Variants in OTUD7A observed in about 807,000 individuals in gnomAD.
OTUD7A encodes OTU domain-containing protein 7A.
A neutral mutation model predicts 65.7 loss-of-function variants in OTUD7A; 12 were observed. The ratio of observed to expected loss-of-function variants is 0.18; its 90% CI spans 0.12 to 0.30. The LOEUF (loss-of-function observed/expected upper bound fraction) is 0.30, where lower values mean the gene tolerates loss of function less well. OTUD7A is among the 10% of genes least tolerant of loss of function. OTUD7A has a pLI of 1.00. For synonymous variants in OTUD7A, 641 were observed against 586.3 expected (o/e 1.09, Z -1.35); for missense variants, 1,148 against 1,304.8 (o/e 0.88, Z 1.85).
At chr15:31,558,884 C>T (rs775357933) in intron 5 of OTUD7A, 85 bp downstream of exon 5, 45 of 1,415,656 alleles carry the variant, frequency 3.2e-5, no homozygotes, top group Non-Finnish European at 4.3e-5. Context: ...GAACATGTGC[C>T]CTTCTCTTGC....
At chr15:31,536,475 G>C (rs1887806805) in intron 5 of OTUD7A, among the ~76,000 whole-genome samples, 1 of 152,150 alleles carries the variant, frequency 6.6e-6, no homozygotes. Context: ...AATCAAATGA[G>C]AATGTTTATA....
intron 3 of OTUD7A, among the ~76,000 whole-genome samples, chr15:31,624,633 T>C (rs905032098): frequency 1.4e-4 from 22 of 152,162 alleles, no homozygotes; most frequent in Non-Finnish European, 2.4e-4. Flanking sequence ...CCCTATTATG[T>C]TCCATTTCAG....
At chr15:31,629,649 AAT>A (rs1434919630) in intron 3 of OTUD7A, among the ~76,000 whole-genome samples, 1 of 152,084 alleles carries the variant, frequency 6.6e-6, no homozygotes, top group Non-Finnish European at 1.5e-5. Context: ...TATTGATTGG[AAT>A]AGTTTCAGAA....
At chr15:31,587,156 C>T (rs968136088) in intron 3 of OTUD7A, among the ~76,000 whole-genome samples, 1 of 152,088 alleles carries the variant, frequency 6.6e-6, no homozygotes, top group African/African-American at 2.4e-5. Flanking sequence ...ATCAGCAAGT[C>T]CTTGCAGCTT....
intron 1 of OTUD7A, among the ~76,000 whole-genome samples, chr15:31,827,390 G>T (rs1392529121): frequency 6.6e-6 from 1 of 152,160 alleles, no homozygotes; most frequent in Non-Finnish European, 1.5e-5. Flanking sequence ...ACTACCATGT[G>T]AACAGTATGA....
intron 1 of OTUD7A, among the ~76,000 whole-genome samples, chr15:31,847,158 TG>T (rs1168305336): frequency 6.6e-6 from 1 of 152,184 alleles, no homozygotes; most frequent in Non-Finnish European, 1.5e-5. Context: ...GAGGGCGTGA[TG>T]GGGCTGCAGT....
At chr15:31,596,259 C>T (rs182072922) in intron 3 of OTUD7A, among the ~76,000 whole-genome samples, 1 of 152,292 alleles carries the variant, frequency 6.6e-6, no homozygotes, top group Non-Finnish European at 1.5e-5. Context: ...CCGTGTCTCT[C>T]CTGGTGTGCT....
At chr15:31,585,334 G>A (rs1054927433) in intron 3 of OTUD7A, among the ~76,000 whole-genome samples, 4 of 152,224 alleles carry the variant, frequency 2.6e-5, no homozygotes, top group African/African-American at 4.8e-5. Context: ...CATGCGAGGC[G>A]TGGAAGGCAG....
intron 8 of OTUD7A, among the ~76,000 whole-genome samples, chr15:31,504,646 C>CCTGAGACTTGT (rs2041531210): frequency 1.3e-5 from 2 of 152,234 alleles, no homozygotes; most frequent in Non-Finnish European, 2.9e-5. Context: ...CCAGAGGTGG[C>CCTGAGACTTGT]TCTCAGACTT....
intron 3 of OTUD7A, among the ~76,000 whole-genome samples, chr15:31,631,622 C>G (rs1179176826): frequency 5.3e-5 from 8 of 152,100 alleles, no homozygotes; most frequent in Admixed American, 2.6e-4. Flanking sequence ...TTTCCTGAAT[C>G]TGAATGTTTG....
At chr15:31,816,517 C>T (rs1247878417) in intron 1 of OTUD7A, among the ~76,000 whole-genome samples, 4 of 126,946 alleles carry the variant, frequency 3.2e-5, no homozygotes, top group East Asian at 2.4e-4. Flanking sequence ...GGTGAAACCC[C>T]GTCTCTACTA....
chr15:31,855,522 C>T lies in OTUD7A; in HGVS notation c.-100+14985G>A, dbSNP rs570017245. ...CCGAAAAACAAATCGAAAAAAAAAT[C>T]CTCAAGAATGTATCCACTGGAACTA... On this transcript the variant is annotated intron_variant, in intron 1 of 12. Transcript: ENST00000307050. 2.6e-5 allele frequency among the ~76,000 whole-genome samples: 4 copies of T among 152,174 alleles called. No individual in the cohort carries two copies. The East Asian group carries it at 7.7e-4, about 29-fold the overall frequency.
intron 1 of OTUD7A, among the ~76,000 whole-genome samples, chr15:31,863,576 C>T: frequency 6.6e-6 from 1 of 152,218 alleles, no homozygotes; most frequent in East Asian, 1.9e-4. Context: ...TCTATGTAGG[C>T]CCCTTTTGGC....
intron 1 of OTUD7A, among the ~76,000 whole-genome samples, chr15:31,790,520 GAGAA>G (rs140135920): frequency 0.023 from 3,440 of 152,322 alleles, 122 homozygotes; most frequent in African/African-American, 0.078. Flanking sequence ...AGGATAAAAA[GAGAA>G]AGAGATTAAA....
At chr15:31,769,954 C>T (rs1008215471) in intron 1 of OTUD7A, among the ~76,000 whole-genome samples, 1 of 152,026 alleles carries the variant, frequency 6.6e-6, no homozygotes, top group African/African-American at 2.4e-5. Flanking sequence ...GTCAATTTTG[C>T]GGTATGCCAA....
intron 8 of OTUD7A, among the ~76,000 whole-genome samples, chr15:31,518,827 C>T (rs2041899515): frequency 6.6e-6 from 1 of 152,252 alleles, no homozygotes; most frequent in African/African-American, 2.4e-5. Flanking sequence ...GGGCCTTTGC[C>T]CCTGGTCAAG....
At chr15:31,713,844 A>G (rs1252753980) in intron 1 of OTUD7A, among the ~76,000 whole-genome samples, 1 of 151,734 alleles carries the variant, frequency 6.6e-6, no homozygotes, top group Non-Finnish European at 1.5e-5. Context: ...TTGTACATAC[A>G]CTTCACAAGA....
chr15:31,628,110 G>C (rs984902875), intron 3 of OTUD7A, among the ~76,000 whole-genome samples: 1 of 152,122 alleles, frequency 6.6e-6, no homozygotes, highest in African/African-American at 2.4e-5. Flanking sequence ...GATCCCATTT[G>C]TCAATGTTGG....
intron 3 of OTUD7A, among the ~76,000 whole-genome samples, chr15:31,588,984 G>A (rs1341127804): frequency 6.6e-6 from 1 of 152,216 alleles, no homozygotes; most frequent in Non-Finnish European, 1.5e-5. Context: ...ACTTTCTGTT[G>A]TTCCACTGTG....
Sources: allele counts gnomAD v4.1 joint callset (sites outside exome capture counted in the v4.1 genomes callset), GRCh38; gene constraint gnomAD v4.1.1; transcripts MANE v1.5; gene names NCBI Gene and HGNC (gene_info 2026-07-23, HGNC 2026-07-21).